The following PXYLP1 variants were observed in gnomAD, a reference collection of about 807,000 sequenced individuals.
PXYLP1 encodes acid phosphatase-like 2.
Under a neutral mutation model 37.9 loss-of-function variants are expected in PXYLP1, and 17 were observed. That is an observed-to-expected ratio of 0.45 (90% CI 0.31 to 0.67). The LOEUF (loss-of-function observed/expected upper bound fraction) is 0.67. PXYLP1 is among the 30% of genes least tolerant of loss of function. The pLI, the probability that PXYLP1 is intolerant of heterozygous loss-of-function variation, is 0.07. For missense variants in PXYLP1, 511 were observed against 612.0 expected, an observed-to-expected ratio of 0.84 and a Z score of 1.74; for synonymous variants, 221 against 232.2, an observed-to-expected ratio of 0.95 and a Z score of 0.44.
rs189334507 is a variant in PXYLP1 at position 141,247,792 on chromosome 3, A to G, written c.-53-12331A>G. The stretch of plus-strand genomic sequence containing the variant: ...AAACTCCATCTAGAAACTTGATTTT[A>G]TTATGATAATACAGAATAAGTACTT... On this transcript the variant is annotated intron_variant, in intron 1 of 5. Transcript: ENST00000286353. Among the ~76,000 whole-genome samples the G allele has an allele frequency of 1.2e-4, 18 of 152,326 alleles. 1 individual carries two copies. In the South Asian group the frequency reaches 1.2e-3, roughly 11 times the overall value.
chr3:141,252,697 C>G (rs959696825), intron 1 of PXYLP1, among the ~76,000 whole-genome samples: 2 of 152,212 alleles, frequency 1.3e-5, no homozygotes, highest in Non-Finnish European at 2.9e-5. Context: ...CATAGCACCA[C>G]CTCAGCTCCC....
chr3:141,286,170 A>C (rs928574938), intron 4 of PXYLP1, among the ~76,000 whole-genome samples: 1 of 152,202 alleles, frequency 6.6e-6, no homozygotes, highest in Non-Finnish European at 1.5e-5. Flanking sequence ...ATATACATTC[A>C]TAGGCTACTT....
chr3:141,277,340 G>T (rs73869558), intron 2 of PXYLP1, among the ~76,000 whole-genome samples: 1,546 of 152,268 alleles, frequency 0.01, 27 homozygotes, highest in African/African-American at 0.036. Flanking sequence ...ATTTTCATGT[G>T]TTTCCCTCAA....
intron 1 of PXYLP1, among the ~76,000 whole-genome samples, chr3:141,252,384 C>T (rs997448260): frequency 1.3e-5 from 2 of 152,126 alleles, no homozygotes; most frequent in Non-Finnish European, 2.9e-5. Flanking sequence ...CTGTAAGAAG[C>T]GTAGTGCCAA....
At position 141,248,526 on chromosome 3, in the gene PXYLP1, C is replaced by T. The variant is rs1458886572; in HGVS notation, c.-53-11597C>T. On this transcript the variant is annotated intron_variant, in intron 1 of 5. Coordinates refer to ENST00000286353, the MANE Select transcript of PXYLP1 (RefSeq NM_001037172.3). Reference sequence around the variant, plus strand: ...ATATATATATATACACACACACACACGTATATATATACACACACGTATATA... The same window carrying T: ...ATATATATATATACACACACACACATGTATATATATACACACACGTATATA... 7.6e-5 allele frequency among the ~76,000 whole-genome samples: 11 copies of T among 144,816 alleles called. No individual in the cohort carries two copies. In the South Asian group the frequency reaches 8.7e-4, roughly 11 times the overall value.
chr3:141,285,144 C>CTTTTTCTTTT (rs1942042643), intron 4 of PXYLP1, among the ~76,000 whole-genome samples: 4 of 78,764 alleles, frequency 5.1e-5, no homozygotes, highest in Admixed American at 1.5e-4. Flanking sequence ...TTTTCTTTTT[C>CTTTTTCTTTT]TTTTTTTTTT....
chr3:141,285,144 CTTT>C (rs147495598), intron 4 of PXYLP1, among the ~76,000 whole-genome samples: 13 of 78,798 alleles, frequency 1.6e-4, no homozygotes, highest in African/African-American at 5.7e-4. Context: ...TTTTCTTTTT[CTTT>C]TTTTTTTTTT....
Position 141,292,204 on chromosome 3 carries a change from C to T in PXYLP1, c.506-64C>T. On this transcript the variant is annotated intron_variant, in intron 5 of 5. Coordinates refer to ENST00000286353, the MANE Select transcript of PXYLP1 (RefSeq NM_001037172.3). This position sits in a 1 kb window ranked among gnomAD's most constrained non-coding sequence, Gnocchi z 4.3. ...ACTCCAGAGCCACACGCTGACTCCA[C>T]CTCCCCTTGCTGTTTCTTTTGCTCA... The T allele has an allele frequency of 6.8e-7, 1 of 1,479,484 alleles. No homozygotes were observed. The highest frequency in any genetic ancestry group is 9.1e-7 in the Non-Finnish European group (1 of 1,096,500). 91.6% of individuals were successfully genotyped at this position (1,479,484 alleles called of 1,614,324 possible). A position where few individuals can be genotyped will look rare whatever the true frequency, so the allele number is the denominator to read the frequency against.
At chr3:141,254,208 C>T (rs201597862) in intron 1 of PXYLP1, among the ~76,000 whole-genome samples, 9 of 152,158 alleles carry the variant, frequency 5.9e-5, no homozygotes, top group East Asian at 5.8e-4. Flanking sequence ...CTACCACGCC[C>T]GGCCCCTCTG....
At chr3:141,237,120 CA>C (rs1940677661) in intron 1 of PXYLP1, among the ~76,000 whole-genome samples, 1 of 152,148 alleles carries the variant, frequency 6.6e-6, no homozygotes, top group South Asian at 2.1e-4. Flanking sequence ...ATCTCATAAG[CA>C]GAGAAATACT....
chr3:141,280,702 T>A (rs1559894511), intron 4 of PXYLP1, among the ~76,000 whole-genome samples: 1 of 152,198 alleles, frequency 6.6e-6, no homozygotes, highest in Non-Finnish European at 1.5e-5. Context: ...CCCAGGACTG[T>A]GGGATCTGGG....
At chr3:141,277,667 C>G (rs896397835) in intron 2 of PXYLP1, among the ~76,000 whole-genome samples, 8 of 152,222 alleles carry the variant, frequency 5.3e-5, no homozygotes, top group African/African-American at 1.9e-4. Context: ...ACAGTCCAGC[C>G]TGACCACACG....
At chr3:141,253,612 A>G (rs1243090002) in intron 1 of PXYLP1, among the ~76,000 whole-genome samples, 1 of 151,678 alleles carries the variant, frequency 6.6e-6, no homozygotes, top group Non-Finnish European at 1.5e-5. Flanking sequence ...GGTTTGATAG[A>G]GCCTAGTGAT....
chr3:141,261,124 C>G (rs571879581), intron 2 of PXYLP1, among the ~76,000 whole-genome samples: 4 of 152,310 alleles, frequency 2.6e-5, no homozygotes, highest in African/African-American at 9.6e-5. Flanking sequence ...GAACCTGTCT[C>G]CCTCCCTCCT....
At position 141,280,833 on chromosome 3, in the gene PXYLP1, G is replaced by T. The variant is rs1320740367; in HGVS notation, c.365+1329G>T. On this transcript the variant is annotated intron_variant, in intron 4 of 5. Transcript: ENST00000286353. The stretch of plus-strand genomic sequence containing the variant: ...CCCATTATTCTAGTCTAGTGAAACG[G>T]AATACTGTGGCCAGCAGGCAGGGTG... 6.6e-5 allele frequency among the ~76,000 whole-genome samples: 10 copies of T among 152,188 alleles called. No individual in the cohort carries two copies. The East Asian group carries it at 1.9e-3, about 29-fold the overall frequency.
At chr3:141,250,473 G>T (rs1941116268) in intron 1 of PXYLP1, among the ~76,000 whole-genome samples, 1 of 152,218 alleles carries the variant, frequency 6.6e-6, no homozygotes, top group Admixed American at 6.5e-5. Context: ...GTGGGCGTCT[G>T]CCAGGAGGTG....
intron 4 of PXYLP1, among the ~76,000 whole-genome samples, chr3:141,282,486 A>ACACT (rs1307327474): frequency 6.9e-6 from 1 of 145,780 alleles, no homozygotes; most frequent in Non-Finnish European, 1.5e-5. Context: ...CCAGACAAAC[A>ACACT]CACACACACA....
chr3:141,257,904 CAAAAAA>C (rs59070598), intron 1 of PXYLP1, among the ~76,000 whole-genome samples: 6 of 79,442 alleles, frequency 7.6e-5, no homozygotes, highest in Non-Finnish European at 1.3e-4. Flanking sequence ...AACTCTGTCT[CAAAAAA>C]AAAAAAAAAA....
chr3:141,281,673 G>A (rs1431050765), intron 4 of PXYLP1, among the ~76,000 whole-genome samples: 1 of 152,214 alleles, frequency 6.6e-6, no homozygotes, highest in Non-Finnish European at 1.5e-5. Flanking sequence ...ACATGGGGTG[G>A]CAGATCAGGG....
Sources: allele counts gnomAD v4.1 joint callset (sites outside exome capture counted in the v4.1 genomes callset), GRCh38; gene constraint gnomAD v4.1.1; non-coding constraint Gnocchi (gnomAD v3.1); transcripts MANE v1.5; gene names NCBI Gene and HGNC (gene_info 2026-07-23, HGNC 2026-07-21).